The following CAST variants were observed in gnomAD, a reference collection of about 807,000 sequenced individuals.
CAST encodes the protein calpastatin, also known as MIR583 host.
CAST carries 76 observed loss-of-function variants against 119.6 expected under a neutral mutation model. The ratio of observed to expected loss-of-function variants is 0.64; its 90% CI spans 0.53 to 0.77. The LOEUF (loss-of-function observed/expected upper bound fraction) is 0.77, where lower values mean the gene tolerates loss of function less well. CAST is among the 30% of genes least tolerant of loss of function. The probability of loss-of-function intolerance (pLI) is 0.00; values close to 1 mark genes in which losing one functional copy is unlikely to be tolerated. For missense variants in CAST, 953 were observed against 946.5 expected (o/e 1.01, Z -0.09); for synonymous variants, 319 against 331.6 (o/e 0.96, Z 0.41).
chr5:96,366,051 T>G, the CAST span, among the ~76,000 whole-genome samples: 1 of 152,188 alleles, frequency 6.6e-6, no homozygotes, highest in Admixed American at 6.5e-5. Flanking sequence ...AGCATTTGCT[T>G]GTCTGCAAAG....
intron 3 of CAST, among the ~76,000 whole-genome samples, chr5:96,706,137 C>T (rs1319673217): frequency 6.6e-6 from 1 of 152,080 alleles, no homozygotes; most frequent in Non-Finnish European, 1.5e-5. Context: ...CCCTAAGATG[C>T]TGTTACATTA....
chr5:96,235,059 G>T, the CAST span, among the ~76,000 whole-genome samples: 1 of 152,128 alleles, frequency 6.6e-6, no homozygotes, highest in South Asian at 2.1e-4. Flanking sequence ...ATTTTTGAAA[G>T]ACAACTAGTA....
intron 1 of CAST, among the ~76,000 whole-genome samples, chr5:96,666,862 G>A (rs1376336367): frequency 1.3e-5 from 2 of 152,128 alleles, no homozygotes; most frequent in Non-Finnish European, 2.9e-5. Flanking sequence ...ATGTGGATAG[G>A]TGGGTAATTA....
intron 1 of CAST, among the ~76,000 whole-genome samples, chr5:96,576,683 T>C (rs1390498285): frequency 6.6e-6 from 1 of 152,126 alleles, no homozygotes; most frequent in Non-Finnish European, 1.5e-5. Context: ...TTATTATGAA[T>C]TCATTTTTTT....
At chr5:96,561,813 G>T (rs1312518850) in intron 1 of CAST, among the ~76,000 whole-genome samples, 6 of 7,294 alleles carry the variant, frequency 8.2e-4, no homozygotes, top group African/African-American at 2.7e-3. Flanking sequence ...TTTTTTTTGA[G>T]ACGGAGTCTC....
At chr5:96,201,798 C>T in the CAST span, among the ~76,000 whole-genome samples, 1 of 152,066 alleles carries the variant, frequency 6.6e-6, no homozygotes, top group African/African-American at 2.4e-5. Context: ...CAGTGCATCC[C>T]CCAATCTACT....
At chr5:96,751,148 T>A (rs1764956734) in intron 20 of CAST, among the ~76,000 whole-genome samples, 1 of 152,224 alleles carries the variant, frequency 6.6e-6, no homozygotes, top group African/African-American at 2.4e-5. Context: ...TCTCTCACTT[T>A]CTAATTTTCA....
At chr5:96,317,690 A>G in the CAST span, among the ~76,000 whole-genome samples, 262 of 152,298 alleles carry the variant, frequency 1.7e-3, no homozygotes, top group African/African-American at 5.1e-3. Flanking sequence ...AAACTGTCAC[A>G]TCCTATTGCA....
upstream of CAST, chr5:96,662,363 A>G: frequency 2.7e-6 from 2 of 745,318 alleles, no homozygotes; most frequent in Non-Finnish European, 3.3e-6. Context: ...ACTCCCCGCC[A>G]GGCCTCCCCG....
chr5:96,354,025 G>A, the CAST span, among the ~76,000 whole-genome samples: 244 of 152,242 alleles, frequency 1.6e-3, 2 homozygotes, highest in South Asian at 0.019. Flanking sequence ...CAGAAACCTT[G>A]TAGTCATGTT....
intron 9 of CAST, among the ~76,000 whole-genome samples, chr5:96,735,293 T>C (rs77894933): frequency 1.8e-4 from 28 of 152,366 alleles, no homozygotes; most frequent in East Asian, 7.7e-4. Context: ...TCAACTGTTA[T>C]GCAAACCTTG....
At chr5:96,062,335 G>A in the CAST span, among the ~76,000 whole-genome samples, 3 of 152,142 alleles carry the variant, frequency 2.0e-5, no homozygotes, top group East Asian at 1.9e-4. Context: ...ATGATAACTT[G>A]TGAGGATGGG....
chr5:96,579,096 G>C (rs261242), intron 1 of CAST, among the ~76,000 whole-genome samples: 125,188 of 152,160 alleles, frequency 0.82, 51,613 homozygotes, highest in East Asian at 0.95. Context: ...CTTTCTGGGG[G>C]AAACCATTTG....
At chr5:96,448,097 A>C in the CAST span, among the ~76,000 whole-genome samples, 2 of 152,102 alleles carry the variant, frequency 1.3e-5, no homozygotes, top group Non-Finnish European at 2.9e-5. Flanking sequence ...ATCTGTCTGG[A>C]ATATTTTTAT....
the CAST span, among the ~76,000 whole-genome samples, chr5:96,427,340 G>T: frequency 5.3e-5 from 8 of 152,274 alleles, no homozygotes; most frequent in Non-Finnish European, 8.8e-5. Context: ...AGAAGAGCAG[G>T]CTGAATGGTA....
chr5:96,567,711 A>G (rs1178250870), intron 1 of CAST, among the ~76,000 whole-genome samples: 1 of 152,164 alleles, frequency 6.6e-6, no homozygotes, highest in Non-Finnish European at 1.5e-5. Context: ...CCCATAGTAC[A>G]TTTACAGCCA....
the CAST span, chr5:96,399,813 A>T: frequency 2.9e-6 from 2 of 697,148 alleles, no homozygotes; most frequent in Non-Finnish European, 5.1e-6. Flanking sequence ...GTCCCCATGG[A>T]TACCCACAGA....
At chr5:96,499,769 A>G in the CAST span, among the ~76,000 whole-genome samples, 10 of 152,100 alleles carry the variant, frequency 6.6e-5, no homozygotes, top group African/African-American at 2.4e-4. Context: ...AACCTTCTAA[A>G]TCCTTTGTTG....
At chr5:96,647,402 A>T (rs1179647334) in intron 1 of CAST, among the ~76,000 whole-genome samples, 1 of 152,190 alleles carries the variant, frequency 6.6e-6, no homozygotes, top group African/African-American at 2.4e-5. Flanking sequence ...TTTAGATTTA[A>T]TAGGATTTTT....
Sources: gnomAD v4.1 joint callset for allele counts (sites outside exome capture counted in the v4.1 genomes callset) on GRCh38, gnomAD v4.1.1 for gene constraint, MANE v1.5 for transcripts, NCBI Gene and HGNC (gene_info 2026-07-23, HGNC 2026-07-21) for gene names.